Variants in LRRC4C observed in about 807,000 individuals in gnomAD.
LRRC4C encodes the protein leucine rich repeat containing 4C, also known as leucine-rich repeat-containing protein 4C.
Under a neutral mutation model 33.6 loss-of-function variants are expected in LRRC4C, and 5 were observed. The observed-to-expected ratio is 0.15, with a 90% CI of 0.08 to 0.31. LRRC4C has a LOEUF of 0.31. Ranked by LOEUF, LRRC4C falls within the 10% of genes least tolerant of loss-of-function variation. The pLI, the probability that LRRC4C is intolerant of heterozygous loss-of-function variation, is 1.00. For missense variants in LRRC4C, 560 were observed against 796.7 expected, an observed-to-expected ratio of 0.70 and a Z score of 3.58; for synonymous variants, 329 against 302.0, an observed-to-expected ratio of 1.09 and a Z score of -0.93.
chr11:40,910,759 C>T lies in LRRC4C; in HGVS notation c.-407+22876G>A, dbSNP rs555145043. Among the ~76,000 whole-genome samples, 177 of 152,298 alleles carry T rather than the reference C, an allele frequency of 1.2e-3. 2 individuals are homozygous for T. Among genetic ancestry groups the T allele is most frequent in the Admixed American group, 6.0e-3 (92 of 15,304 alleles). Reference sequence around the variant, plus strand: ...GGAGCAAGGCGAGGCATCACCTCACCCAGGAAGTGCAAGGGGTCAGGGAAT... The same window carrying T: ...GGAGCAAGGCGAGGCATCACCTCACTCAGGAAGTGCAAGGGGTCAGGGAAT... On this transcript the variant is annotated intron_variant, in intron 2 of 6. Transcript: ENST00000528697.
At chr11:41,397,137 T>C (rs1953850379) in intron 1 of LRRC4C, among the ~76,000 whole-genome samples, 1 of 152,004 alleles carries the variant, frequency 6.6e-6, no homozygotes, top group African/African-American at 2.4e-5. Flanking sequence ...TCAACCATCA[T>C]GCTAAGCTAT....
At chr11:41,194,617 A>C (rs971354123) in intron 1 of LRRC4C, among the ~76,000 whole-genome samples, 2 of 152,216 alleles carry the variant, frequency 1.3e-5, no homozygotes, top group East Asian at 1.9e-4. Flanking sequence ...TTAGCTAGCA[A>C]GAAGCAGAGG....
chr11:40,399,711 C>T (rs112389805), intron 3 of LRRC4C, among the ~76,000 whole-genome samples: 9 of 152,060 alleles, frequency 5.9e-5, no homozygotes, highest in Admixed American at 3.3e-4. Flanking sequence ...ACCACCACCA[C>T]GACAACAACA....
At chr11:41,101,509 G>A (rs1941181615) in intron 1 of LRRC4C, among the ~76,000 whole-genome samples, 2 of 152,140 alleles carry the variant, frequency 1.3e-5, no homozygotes, top group African/African-American at 4.8e-5. Flanking sequence ...AGATGGTGGT[G>A]AGGTTGCAGA....
At chr11:41,391,599 A>G (rs1265769673) in intron 1 of LRRC4C, among the ~76,000 whole-genome samples, 1 of 151,900 alleles carries the variant, frequency 6.6e-6, no homozygotes, top group Non-Finnish European at 1.5e-5. Context: ...TTTCTACATC[A>G]TTTCCAATGC....
At chr11:41,411,249 T>C (rs1472004969) in intron 1 of LRRC4C, among the ~76,000 whole-genome samples, 1 of 148,222 alleles carries the variant, frequency 6.7e-6, no homozygotes, top group Non-Finnish European at 1.5e-5. Context: ...CCCAGGTTCA[T>C]GCCATTCTCC....
At chr11:40,850,876 G>A (rs904145839) in intron 2 of LRRC4C, among the ~76,000 whole-genome samples, 1 of 152,220 alleles carries the variant, frequency 6.6e-6, no homozygotes, top group Non-Finnish European at 1.5e-5. Context: ...GCTTTGAGGA[G>A]CAGTGGTGGG....
intron 2 of LRRC4C, among the ~76,000 whole-genome samples, chr11:40,664,156 T>C (rs1231607981): frequency 6.6e-6 from 1 of 152,214 alleles, no homozygotes; most frequent in Non-Finnish European, 1.5e-5. Context: ...ATGAGTAGTG[T>C]ATAATTCAAC....
At chr11:41,052,764 C>A (rs1196983181) in intron 1 of LRRC4C, among the ~76,000 whole-genome samples, 4 of 152,076 alleles carry the variant, frequency 2.6e-5, no homozygotes, top group African/African-American at 9.7e-5. Context: ...ATTCTTTATT[C>A]TGAAATTTTT....
intron 3 of LRRC4C, among the ~76,000 whole-genome samples, chr11:40,496,524 AT>A (rs1373807379): frequency 6.6e-6 from 1 of 151,668 alleles, no homozygotes; most frequent in South Asian, 2.1e-4. Flanking sequence ...TTTTATTATT[AT>A]TTTTTTTAAT....
At chr11:40,359,026 TCTC>T (rs1424659955) in intron 3 of LRRC4C, among the ~76,000 whole-genome samples, 1 of 152,096 alleles carries the variant, frequency 6.6e-6, no homozygotes, top group Admixed American at 6.6e-5. Flanking sequence ...GTTTAATTAA[TCTC>T]CTTCTGTTTA....
At chr11:40,819,507 C>T (rs572686470) in intron 2 of LRRC4C, among the ~76,000 whole-genome samples, 37 of 152,244 alleles carry the variant, frequency 2.4e-4, no homozygotes, top group Admixed American at 2.3e-3. Context: ...CCCACAAAGC[C>T]TATTGGTGTT....
chr11:40,388,605 C>T (rs1949208518), intron 3 of LRRC4C, among the ~76,000 whole-genome samples: 1 of 152,264 alleles, frequency 6.6e-6, no homozygotes, highest in Non-Finnish European at 1.5e-5. Context: ...ACAGCATCAT[C>T]GTGTGAGTAA....
intron 2 of LRRC4C, among the ~76,000 whole-genome samples, chr11:40,823,777 A>G (rs1464512949): frequency 1.3e-5 from 2 of 151,848 alleles, no homozygotes; most frequent in East Asian, 1.9e-4. Context: ...GTATTTTGGC[A>G]GTTATAGTGT....
At chr11:40,400,433 G>C (rs114773323) in intron 3 of LRRC4C, among the ~76,000 whole-genome samples, 1 of 152,062 alleles carries the variant, frequency 6.6e-6, no homozygotes, top group Non-Finnish European at 1.5e-5. Context: ...ATATATGTCT[G>C]TGTCTATAGC....
At position 40,858,656 on chromosome 11, in the gene LRRC4C, T is replaced by A. The variant is rs915044403; in HGVS notation, c.-407+74979A>T. Among the ~76,000 whole-genome samples, 13 of 132,910 alleles carry A rather than the reference T, an allele frequency of 9.8e-5. No individual in the cohort carries two copies. In the Admixed American group the frequency reaches 1.0e-3, roughly 10 times the overall value. 87.2% of individuals were successfully genotyped at this position (132,910 alleles called of 152,430 possible). On this transcript the variant is annotated intron_variant, in intron 2 of 6. Transcript: ENST00000528697. The stretch of plus-strand genomic sequence containing the variant: ...TTGCAGTGAGCCAAGATCGTGACAC[T>A]GCACTCCAGCCTGGTAACAGAGTGA...
intron 1 of LRRC4C, among the ~76,000 whole-genome samples, chr11:41,073,974 C>T: frequency 6.6e-6 from 1 of 152,074 alleles, no homozygotes; most frequent in East Asian, 1.9e-4. Flanking sequence ...TATTGTTTTG[C>T]AGAATATGTG....
At chr11:40,398,908 C>A (rs1949649178) in intron 3 of LRRC4C, among the ~76,000 whole-genome samples, 1 of 152,094 alleles carries the variant, frequency 6.6e-6, no homozygotes, top group African/African-American at 2.4e-5. Flanking sequence ...TACCTAATTT[C>A]AATTTGTAAT....
chr11:41,232,779 C>A (rs984730116), intron 1 of LRRC4C, among the ~76,000 whole-genome samples: 9 of 150,320 alleles, frequency 6.0e-5, no homozygotes, highest in African/African-American at 2.2e-4. Flanking sequence ...CACACACACA[C>A]ACACGTCATA....
Sources: gnomAD v4.1 joint callset for allele counts (sites outside exome capture counted in the v4.1 genomes callset) on GRCh38, gnomAD v4.1.1 for gene constraint, MANE v1.5 for transcripts, NCBI Gene and HGNC (gene_info 2026-07-23, HGNC 2026-07-21) for gene names.